PCDHA4: variants seen among roughly 807,000 people sequenced by gnomAD.
PCDHA4 encodes the protein protocadherin alpha-4.
PCDHA4 carries 49 observed loss-of-function variants against 61.4 expected under a neutral mutation model. The ratio of observed to expected loss-of-function variants is 0.80; its 90% CI spans 0.63 to 1.01. The LOEUF is 1.01. PCDHA4 is among the 50% of genes least tolerant of loss of function. The probability of loss-of-function intolerance (pLI) is 0.00; values close to 1 mark genes in which losing one functional copy is unlikely to be tolerated. For missense variants in PCDHA4, 1,254 were observed against 1,235.8 expected, an observed-to-expected ratio of 1.01 and a Z score of -0.22; for synonymous variants, 590 against 550.3, an observed-to-expected ratio of 1.07 and a Z score of -1.01.
At chr5:140,868,957 A>T (rs2050760003) in intron 1 of PCDHA4, 1 of 1,389,232 alleles carries the variant, frequency 7.2e-7, no homozygotes, top group Non-Finnish European at 9.7e-7. Context: ...AGGCACTCCC[A>T]TACAAAGGAA....
intron 1 of PCDHA4, chr5:140,849,459 G>T (rs2150438078): frequency 1.3e-6 from 2 of 1,587,980 alleles, no homozygotes. Flanking sequence ...CCCAGTCGAG[G>T]CTGTCGATAA....
At chr5:140,915,273 A>C (rs2077054431) in intron 1 of PCDHA4, among the ~76,000 whole-genome samples, 1 of 152,090 alleles carries the variant, frequency 6.6e-6, no homozygotes, top group South Asian at 2.1e-4. Flanking sequence ...TGACCAGTTC[A>C]TCATTTACTC....
At chr5:140,822,516 T>C (rs1175154798) in intron 1 of PCDHA4, 2 of 1,613,966 alleles carry the variant, frequency 1.2e-6, no homozygotes, top group South Asian at 1.1e-5. Context: ...CCATTTATAA[T>C]GTCAGATTGT....
At chr5:140,963,693 A>G (rs782642148) in intron 1 of PCDHA4, among the ~76,000 whole-genome samples, 15 of 152,210 alleles carry the variant, frequency 9.9e-5, no homozygotes, top group Non-Finnish European at 2.2e-4. Context: ...TCCGTGTTTG[A>G]TATCTAAAGG....
chr5:140,822,285 G>A, intron 1 of PCDHA4: 1 of 1,614,220 alleles, frequency 6.2e-7, no homozygotes, highest in Non-Finnish European at 8.5e-7. Context: ...TGAGATACAG[G>A]TTAAATCCAA....
chr5:140,838,074 TATAGTGTGTG>T (rs1562368260), intron 1 of PCDHA4, among the ~76,000 whole-genome samples: 2 of 120,528 alleles, frequency 1.7e-5, no homozygotes, highest in African/African-American at 6.6e-5. Flanking sequence ...GTTATATATA[TATAGTGTGTG>T]TGTGTGTGTG....
rs1554202869 is a variant in PCDHA4, at chr5:140,925,671, A to AATG, written c.2386-53276_2386-53275insGAT. Among the ~76,000 whole-genome samples the AATG allele has an allele frequency of 4.6e-4, 68 of 148,180 alleles. 1 individual carries two copies. The highest frequency in any genetic ancestry group is 1.6e-3 in the African/African-American group (66 of 40,022). On this transcript the variant is annotated intron_variant, in intron 1 of 3. Transcript: ENST00000530339. ...TAATAATAATAATAATAATAATAAT[A>AATG]ATAATAAAGCGAGGGTGGGTATCTA...
chr5:140,884,839 G>T, intron 1 of PCDHA4: 1 of 893,290 alleles, frequency 1.1e-6, no homozygotes, highest in Non-Finnish European at 1.6e-6. Context: ...TTATCCTTCA[G>T]AGTGAAATCT....
At chr5:140,928,712 G>T in intron 1 of PCDHA4, 2 of 1,614,168 alleles carry the variant, frequency 1.2e-6, no homozygotes, top group Non-Finnish European at 1.7e-6. Flanking sequence ...TCTGACTCTA[G>T]TCTCTTTAGA....
chr5:140,814,706 C>G (rs1320016960), intron 1 of PCDHA4: 2 of 152,166 alleles, frequency 1.3e-5, no homozygotes, highest in Non-Finnish European at 2.9e-5. Flanking sequence ...TACATCATCA[C>G]TAGGTGATAG....
chr5:140,967,700 G>A lies in PCDHA4; in HGVS notation c.2386-11249G>A. ...GGAGAGGCAGCTCTTCAGCATAGAT[G>A]CCAGTACCGGGGAAGTGCGAGTAAT... On this transcript the variant is annotated intron_variant, in intron 1 of 3. Transcript: ENST00000530339. 4 of 1,614,196 alleles carry A rather than the reference G, an allele frequency of 2.5e-6. No homozygotes were observed. In the South Asian group the frequency reaches 4.4e-5, roughly 18 times the overall value.
Position 140,828,833 on chromosome 5 carries a change from G to C in PCDHA4, c.2385+19261G>C, listed in dbSNP as rs149898673. The C allele has an allele frequency of 2.4e-5, 39 of 1,614,188 alleles. No homozygotes were observed. In the African/African-American group the frequency reaches 3.6e-4, roughly 15 times the overall value. On this transcript the variant is annotated intron_variant, in intron 1 of 3. Coordinates refer to ENST00000530339, the MANE Select transcript of PCDHA4 (RefSeq NM_018907.4). ...TCCCACTTTCGAACAGTCTGAATAC[G>C]AAGTAAGAATATTCGAAAATGCAGA...
At chr5:140,850,521 C>T (rs2041655366) in intron 1 of PCDHA4, 2 of 1,598,110 alleles carry the variant, frequency 1.3e-6, no homozygotes, top group Admixed American at 3.4e-5. Context: ...CGGCCAGGCG[C>T]CAAAGTCATC....
intron 1 of PCDHA4, chr5:140,927,330 G>A (rs2084093036): frequency 6.2e-7 from 1 of 1,614,140 alleles, no homozygotes; most frequent in Non-Finnish European, 8.5e-7. Flanking sequence ...TTACTCTCCC[G>A]AATGCCCAAG....
Position 140,846,625 on chromosome 5 carries a change from C to T in PCDHA4, c.2385+37053C>T, listed in dbSNP as rs2150393112. 1.6e-3 allele frequency among the ~76,000 whole-genome samples: 241 copies of T among 149,122 alleles called. 15 individuals are homozygous for T. Among genetic ancestry groups the T allele is most frequent in the African/African-American group, 5.6e-3 (229 of 40,752 alleles). On this transcript the variant is annotated intron_variant, in intron 1 of 3. Coordinates refer to ENST00000530339, the MANE Select transcript of PCDHA4 (RefSeq NM_018907.4). ...TCCTGACCTCCTGATCCGCCCACTT[C>T]GGCCTCCTAAAGTGCTGGGATTACA...
At chr5:140,954,889 G>C (rs2095106564) in intron 1 of PCDHA4, among the ~76,000 whole-genome samples, 1 of 152,070 alleles carries the variant, frequency 6.6e-6, no homozygotes, top group East Asian at 1.9e-4. Flanking sequence ...TTCTTCTAGG[G>C]TTTTTATAGT....
intron 1 of PCDHA4, among the ~76,000 whole-genome samples, chr5:140,840,474 T>C (rs2150307234): frequency 6.6e-6 from 1 of 151,908 alleles, no homozygotes; most frequent in African/African-American, 2.4e-5. Flanking sequence ...GGGAAAAAAG[T>C]TTAAAGGCAT....
chr5:141,009,944 C>T lies in PCDHA4; in HGVS notation c.*7C>T. On this transcript the variant is annotated 3_prime_UTR_variant, in exon 4 of 4. Coordinates refer to ENST00000530339, the MANE Select transcript of PCDHA4 (RefSeq NM_018907.4). Reference sequence around the variant, plus strand: ...TGACAACAGTGACCAGTGAGGTCCTCAAATGGAAACAAGCCACTTAGCCAG... The same window carrying T: ...TGACAACAGTGACCAGTGAGGTCCTTAAATGGAAACAAGCCACTTAGCCAG... The T allele has an allele frequency of 6.3e-7, 1 of 1,595,754 alleles. No individual in the cohort carries two copies. The highest frequency in any genetic ancestry group is 1.1e-5 in the South Asian group (1 of 87,514).
intron 1 of PCDHA4, chr5:140,869,565 A>G: frequency 6.2e-7 from 1 of 1,614,190 alleles, no homozygotes; most frequent in Non-Finnish European, 8.5e-7. Flanking sequence ...GTTTTCCACT[A>G]GAGGGAGCTT....
Sources: allele counts gnomAD v4.1 joint callset (sites outside exome capture counted in the v4.1 genomes callset), GRCh38; gene constraint gnomAD v4.1.1; transcripts MANE v1.5; gene names NCBI Gene and HGNC (gene_info 2026-07-23, HGNC 2026-07-21).